GMDS: variants seen among roughly 807,000 people sequenced by gnomAD.
GMDS encodes GDP-mannose 4,6-dehydratase, also known as GDP-mannose 4,6 dehydratase.
In GMDS, 20 loss-of-function variants were observed where a neutral mutation model predicts 49.9. The ratio of observed to expected loss-of-function variants is 0.40; its 90% CI spans 0.28 to 0.58. The LOEUF (loss-of-function observed/expected upper bound fraction) is 0.58, where lower values mean the gene tolerates loss of function less well. GMDS is among the 20% of genes least tolerant of loss of function. The pLI, the probability that GMDS is intolerant of heterozygous loss-of-function variation, is 0.42. For missense variants in GMDS, 362 were observed against 481.4 expected, an observed-to-expected ratio of 0.75 and a Z score of 2.32; for synonymous variants, 177 against 178.6, an observed-to-expected ratio of 0.99 and a Z score of 0.07.
chr6:1,804,365 G>A (rs1024783061), intron 7 of GMDS, among the ~76,000 whole-genome samples: 43 of 152,372 alleles, frequency 2.8e-4, no homozygotes, highest in South Asian at 2.1e-4. Flanking sequence ...CGGCTGGCCA[G>A]CGGGCAGATG....
At chr6:1,734,969 C>T (rs930239900) in intron 8 of GMDS, among the ~76,000 whole-genome samples, 2 of 152,358 alleles carry the variant, frequency 1.3e-5, no homozygotes, top group African/African-American at 2.4e-5. Flanking sequence ...AGAGCCTCAG[C>T]GTGTCCACGC....
chr6:1,707,051 C>T (rs917658391), intron 9 of GMDS, among the ~76,000 whole-genome samples: 1 of 152,130 alleles, frequency 6.6e-6, no homozygotes, highest in African/African-American at 2.4e-5. Flanking sequence ...GAATCAGGCA[C>T]GGAAACATTT....
chr6:1,628,230 C>T (rs1762901391), intron 9 of GMDS, among the ~76,000 whole-genome samples: 1 of 152,192 alleles, frequency 6.6e-6, no homozygotes, highest in Non-Finnish European at 1.5e-5. Context: ...TTTCTGAGCC[C>T]ACAGTAGTTA....
chr6:1,826,834 A>C (rs1300399570), intron 7 of GMDS, among the ~76,000 whole-genome samples: 3 of 152,038 alleles, frequency 2.0e-5, no homozygotes, highest in Non-Finnish European at 4.4e-5. Flanking sequence ...AGAGAGGCTG[A>C]GGTGGGAGGA....
At chr6:1,797,167 C>A (rs1356609652) in intron 7 of GMDS, among the ~76,000 whole-genome samples, 25 of 152,124 alleles carry the variant, frequency 1.6e-4, no homozygotes, top group Non-Finnish European at 3.2e-4. Context: ...GGAGCGTGAA[C>A]CCTACTGTGA....
At chr6:1,664,052 C>T (rs992395028) in intron 9 of GMDS, among the ~76,000 whole-genome samples, 4 of 152,132 alleles carry the variant, frequency 2.6e-5, no homozygotes, top group African/African-American at 9.7e-5. Context: ...ACAAATAAAT[C>T]ACATGCATGC....
At chr6:2,107,524 AG>A (rs1419716711) in intron 4 of GMDS, among the ~76,000 whole-genome samples, 1 of 152,224 alleles carries the variant, frequency 6.6e-6, no homozygotes, top group Non-Finnish European at 1.5e-5. Flanking sequence ...AAAATGAAAA[AG>A]GTTTCGTATT....
intron 4 of GMDS, among the ~76,000 whole-genome samples, chr6:2,029,060 T>A (rs1349207169): frequency 2.0e-5 from 3 of 152,040 alleles, no homozygotes; most frequent in South Asian, 2.1e-4. Context: ...ATACCTTTTT[T>A]AAAAAATAGA....
At chr6:2,019,971 G>T (rs1768170130) in intron 4 of GMDS, among the ~76,000 whole-genome samples, 1 of 152,042 alleles carries the variant, frequency 6.6e-6, no homozygotes, top group South Asian at 2.1e-4. Flanking sequence ...TTTATATGTT[G>T]CTTGATTCAA....
At chr6:1,960,109 G>A (rs1357367013) in intron 5 of GMDS, 138 bp from the exon 6 acceptor site, 4 of 518,696 alleles carry the variant, frequency 7.7e-6, no homozygotes, top group East Asian at 3.1e-5. Flanking sequence ...ACCCAAAGAC[G>A]AAATAAAGGT....
chr6:2,039,222 G>A (rs1437339292), intron 4 of GMDS, among the ~76,000 whole-genome samples: 2 of 152,188 alleles, frequency 1.3e-5, no homozygotes, highest in African/African-American at 4.8e-5. Context: ...TGGTACATCC[G>A]TATAAGGTAC....
At position 2,088,090 on chromosome 6, in the gene GMDS, A is replaced by T. The variant is rs556854042; in HGVS notation, c.345+27681T>A. ...GAAAGAAAGGTGGCTAGAAAGGTTAAAATGAGATGTAGAAAGTAAAAAAAA... is the reference window on the plus strand; with the variant it reads ...GAAAGAAAGGTGGCTAGAAAGGTTATAATGAGATGTAGAAAGTAAAAAAAA... On this transcript the variant is annotated intron_variant, in intron 4 of 10. Transcript: ENST00000380815. Among the ~76,000 whole-genome samples the T allele has an allele frequency of 6.6e-4, 100 of 151,396 alleles. 1 individual carries two copies. Among genetic ancestry groups the T allele is most frequent in the African/African-American group, 2.4e-3 (97 of 40,804 alleles).
Position 1,928,033 on chromosome 6 carries a change from G to A in GMDS, c.771+2070C>T, listed in dbSNP as rs543720566. Among the ~76,000 whole-genome samples the A allele has an allele frequency of 1.6e-4, 25 of 152,132 alleles. No individual in the cohort carries two copies. The East Asian group carries it at 3.5e-3, about 21-fold the overall frequency. ...TAATAAAATTGAATGAAATTTAATC[G>A]ATTTGGTTCCTTGAACTTGGAGAAG... On this transcript the variant is annotated intron_variant, in intron 7 of 10. Transcript: ENST00000380815.
At chr6:1,939,668 A>G (rs1465581032) in intron 6 of GMDS, among the ~76,000 whole-genome samples, 1 of 152,116 alleles carries the variant, frequency 6.6e-6, no homozygotes, top group East Asian at 1.9e-4. Flanking sequence ...CCAACATAAC[A>G]TCTCTATCTT....
intron 7 of GMDS, among the ~76,000 whole-genome samples, chr6:1,817,765 C>G (rs990504180): frequency 2.6e-5 from 4 of 152,156 alleles, no homozygotes; most frequent in Admixed American, 1.3e-4. Context: ...ATGCTATTCA[C>G]GTGACCTGAC....
intron 4 of GMDS, among the ~76,000 whole-genome samples, chr6:1,995,552 T>C (rs2127370468): frequency 6.6e-6 from 1 of 152,294 alleles, no homozygotes; most frequent in Non-Finnish European, 1.5e-5. Flanking sequence ...TTTCCATGGG[T>C]ACCTGCGTTA....
At chr6:1,813,598 T>C (rs1255468279) in intron 7 of GMDS, among the ~76,000 whole-genome samples, 1 of 152,164 alleles carries the variant, frequency 6.6e-6, no homozygotes, top group Non-Finnish European at 1.5e-5. Context: ...TAATGGATGG[T>C]TGAGAAAACA....
chr6:1,805,723 T>G (rs1279670807), intron 7 of GMDS, among the ~76,000 whole-genome samples: 3 of 152,216 alleles, frequency 2.0e-5, no homozygotes, highest in African/African-American at 7.2e-5. Context: ...AAAATATTTA[T>G]CACGTTATTT....
At chr6:1,821,386 G>A (rs1379813127) in intron 7 of GMDS, among the ~76,000 whole-genome samples, 3 of 151,898 alleles carry the variant, frequency 2.0e-5, no homozygotes, top group African/African-American at 7.3e-5. Flanking sequence ...GGGACGGGGG[G>A]CAGCTCGCTG....
Sources: gnomAD v4.1 joint callset for allele counts (sites outside exome capture counted in the v4.1 genomes callset) on GRCh38, gnomAD v4.1.1 for gene constraint, MANE v1.5 for transcripts, NCBI Gene and HGNC (gene_info 2026-07-23, HGNC 2026-07-21) for gene names.